Variants in FSHR observed in about 807,000 individuals in gnomAD.
The protein encoded by FSHR is follicle stimulating hormone receptor.
In FSHR, 46 loss-of-function variants were observed where a neutral mutation model predicts 52.1. The ratio of observed to expected loss-of-function variants is 0.88; its 90% CI spans 0.70 to 1.13. The LOEUF (loss-of-function observed/expected upper bound fraction) is 1.13, where lower values mean the gene tolerates loss of function less well. Among genes scored for constraint, FSHR ranks in the 50% most tolerant of loss-of-function variants. The pLI is 0.00. For missense variants in FSHR, 964 were observed against 834.6 expected, an observed-to-expected ratio of 1.16 and a Z score of -1.91; for synonymous variants, 399 against 309.6, an observed-to-expected ratio of 1.29 and a Z score of -3.03.
intron 6 of FSHR, among the ~76,000 whole-genome samples, chr2:48,987,947 A>G (rs1241927513): frequency 6.6e-6 from 1 of 151,974 alleles, no homozygotes; most frequent in Non-Finnish European, 1.5e-5. Context: ...CCTAATATCT[A>G]TGTATTTTGA....
At chr2:48,983,040 G>A in intron 7 of FSHR, 54 bp from the exon 8 acceptor site, 1 of 1,606,242 alleles carries the variant, frequency 6.2e-7, no homozygotes, top group Non-Finnish European at 8.5e-7. Flanking sequence ...CATAAATATT[G>A]CTGTTGTAAG....
Position 49,017,524 on chromosome 2 carries a change from AG to A in FSHR, c.338del (p.Pro113LeufsTer14). On this transcript the variant is annotated frameshift_variant, in exon 4 of 10. Coordinates refer to ENST00000406846, the MANE Select transcript of FSHR (RefSeq NM_000145.4). LOFTEE classifies it high-confidence loss of function. Reference protein sequence around the residue: ...EKANNLLYINPEAFQNLPNLQ... With the variant: ...EKANNLLYINXEAFQNLPNLQ... ...GGTTGGGAAGGTTCTGGAAGGCCTC[AG>A]GGTTGATGTAGAGCAGGTTGTTGGC... 4 of 1,613,562 alleles carry A rather than the reference AG, an allele frequency of 2.5e-6. No homozygotes were observed. Among genetic ancestry groups the A allele is most frequent in the Non-Finnish European group, 3.4e-6 (4 of 1,179,644 alleles).
intron 8 of FSHR, among the ~76,000 whole-genome samples, chr2:48,976,901 C>G (rs945859972): frequency 6.6e-6 from 1 of 152,104 alleles, no homozygotes; most frequent in Admixed American, 6.5e-5. Flanking sequence ...GGCTAGCAGT[C>G]TGTTTATTTT....
intron 1 of FSHR, among the ~76,000 whole-genome samples, chr2:49,086,872 GATC>G (rs1405856153): frequency 6.6e-6 from 1 of 152,084 alleles, no homozygotes; most frequent in African/African-American, 2.4e-5. Flanking sequence ...GATCTCAGGT[GATC>G]TGCCTGCCTT....
intron 2 of FSHR, among the ~76,000 whole-genome samples, chr2:49,048,096 G>C (rs1206622899): frequency 6.6e-6 from 1 of 152,032 alleles, no homozygotes; most frequent in East Asian, 1.9e-4. Context: ...ATGTTGGCCA[G>C]GCTGGTCTCA....
rs1377464695 is a variant in FSHR, at chr2:49,020,047, A to G, written c.299+39T>C. 4.5e-6 allele frequency: 7 copies of G among 1,564,918 alleles called. No homozygotes were observed. In the Admixed American group the frequency reaches 6.7e-5, roughly 15 times the overall value. On this transcript the variant is annotated intron_variant, in intron 3 of 9. Transcript: ENST00000406846. ...TAGAAGAACTTTAAGGGTTTTTTCAAGAATGGCCATGAGCAAATCCCCCAA... is the reference window on the plus strand; with the variant it reads ...TAGAAGAACTTTAAGGGTTTTTTCAGGAATGGCCATGAGCAAATCCCCCAA...
At chr2:49,145,620 C>A (rs867509546) in intron 1 of FSHR, among the ~76,000 whole-genome samples, 1 of 151,952 alleles carries the variant, frequency 6.6e-6, no homozygotes, top group East Asian at 1.9e-4. Context: ...TTAGTGATTT[C>A]GACAATGACT....
chr2:49,069,073 C>T (rs1280683095), intron 1 of FSHR, among the ~76,000 whole-genome samples: 1 of 152,112 alleles, frequency 6.6e-6, no homozygotes, highest in Non-Finnish European at 1.5e-5. Flanking sequence ...TTGTCTCACG[C>T]TTGCCTCAAA....
At chr2:49,021,354 C>T (rs866594236) in intron 2 of FSHR, among the ~76,000 whole-genome samples, 1 of 152,122 alleles carries the variant, frequency 6.6e-6, no homozygotes, top group South Asian at 2.1e-4. Flanking sequence ...TAAAGTGTCT[C>T]ACAGATGAAA....
In FSHR at chr2:48,963,766, G is replaced by A. The variant is rs1674345408; in HGVS notation, c.1055C>T (p.Ala352Val). The A allele has an allele frequency of 6.2e-7, 1 of 1,614,038 alleles. No homozygotes were observed. The highest frequency in any genetic ancestry group is 8.5e-7 in the Non-Finnish European group (1 of 1,180,018). ...CATGATATCTTCACATGGGTTGAAT[G>A]CATCTGGCTTAGGGGAGCAGGTCAC... Reference protein sequence around the residue: ...VDVTCSPKPDAFNPCEDIMGY... With the variant: ...VDVTCSPKPDVFNPCEDIMGY... The change falls in exon 10 of 10, where the codon GCA becomes GTA. Residue 352 changes from alanine (A) to valine (V), a missense_variant. By Grantham distance (64) the Ala-to-Val change is moderately conservative. Coordinates refer to ENST00000406846, the MANE Select transcript of FSHR (RefSeq NM_000145.4).
intron 8 of FSHR, among the ~76,000 whole-genome samples, chr2:48,970,584 C>A (rs562063853): frequency 9.2e-5 from 14 of 151,926 alleles, no homozygotes; most frequent in South Asian, 2.1e-4. Flanking sequence ...CTGACTATAC[C>A]CAATCTTTTC....
At chr2:49,068,811 T>A (rs961547553) in intron 1 of FSHR, among the ~76,000 whole-genome samples, 2 of 152,054 alleles carry the variant, frequency 1.3e-5, no homozygotes, top group African/African-American at 4.8e-5. Context: ...GTACTGTGAG[T>A]GAACTCTCCA....
intron 2 of FSHR, among the ~76,000 whole-genome samples, chr2:49,038,848 A>G (rs1668386841): frequency 6.6e-6 from 1 of 152,056 alleles, no homozygotes; most frequent in Admixed American, 6.6e-5. Flanking sequence ...AAGAATTATA[A>G]AGTAACTATA....
chr2:49,087,656 C>A (rs1318152548), intron 1 of FSHR, among the ~76,000 whole-genome samples: 2 of 152,078 alleles, frequency 1.3e-5, no homozygotes, highest in African/African-American at 4.8e-5. Context: ...AAAAAAGAAA[C>A]AGTCCTTTAA....
intron 2 of FSHR, among the ~76,000 whole-genome samples, chr2:49,054,120 G>T (rs957808349): frequency 2.0e-5 from 3 of 152,148 alleles, no homozygotes; most frequent in Non-Finnish European, 4.4e-5. Flanking sequence ...CTTGGACAGA[G>T]AATTTGATCT....
At chr2:48,973,353 T>G (rs1674832424) in intron 8 of FSHR, among the ~76,000 whole-genome samples, 2 of 152,162 alleles carry the variant, frequency 1.3e-5, no homozygotes, top group African/African-American at 4.8e-5. Flanking sequence ...GGGGACTACT[T>G]GGAAGTGGAC....
chr2:49,104,213 A>G (rs1389861980), intron 1 of FSHR, among the ~76,000 whole-genome samples: 62 of 152,142 alleles, frequency 4.1e-4, no homozygotes, highest in Admixed American at 4.1e-3. Context: ...TGAAGCTGGC[A>G]AGTTGCTTTT....
At chr2:49,107,166 T>A (rs1299206140) in intron 1 of FSHR, among the ~76,000 whole-genome samples, 1 of 152,192 alleles carries the variant, frequency 6.6e-6, no homozygotes, top group Non-Finnish European at 1.5e-5. Flanking sequence ...TGTCTTCTGA[T>A]CACCTTAAGC....
At chr2:49,124,867 TG>T (rs1181184134) in intron 1 of FSHR, among the ~76,000 whole-genome samples, 28 of 152,226 alleles carry the variant, frequency 1.8e-4, no homozygotes, top group Admixed American at 1.4e-3. Flanking sequence ...GAAAGAAAAC[TG>T]GTGTCCTTAC....
Sources: gnomAD v4.1 joint callset for allele counts (sites outside exome capture counted in the v4.1 genomes callset) on GRCh38, gnomAD v4.1.1 for gene constraint, MANE v1.5 for transcripts, NCBI Gene and HGNC (gene_info 2026-07-23, HGNC 2026-07-21) for gene names.